The following CHODL variants were observed in gnomAD, a reference collection of about 807,000 sequenced individuals.
CHODL encodes the protein transmembrane protein MT75.
In CHODL, 29 loss-of-function variants were observed where a neutral mutation model predicts 34.5. The ratio of observed to expected loss-of-function variants is 0.84; its 90% CI spans 0.63 to 1.15. The LOEUF (loss-of-function observed/expected upper bound fraction) is 1.15. Ranked by LOEUF, CHODL falls within the 50% of genes most tolerant of loss-of-function variation. The pLI, the probability that CHODL is intolerant of heterozygous loss-of-function variation, is 0.00. For missense variants in CHODL, 332 were observed against 332.5 expected (o/e 1.00, Z 0.01); for synonymous variants, 125 against 116.1 (o/e 1.08, Z -0.49).
chr21:18,242,786 T>C (rs74427213), upstream of CHODL, among the ~76,000 whole-genome samples: 10 of 152,300 alleles, frequency 6.6e-5, no homozygotes, highest in East Asian at 1.9e-3. Flanking sequence ...TGCAAACATA[T>C]TGAGGATACA....
chr21:18,059,666 G>T (rs1401571098), intron 2 of CHODL, among the ~76,000 whole-genome samples: 1 of 151,968 alleles, frequency 6.6e-6, no homozygotes, highest in African/African-American at 2.4e-5. Flanking sequence ...CCCCAATAGG[G>T]CCCAGTGTGA....
chr21:18,251,684 A>G (rs1459812255), intron 1 of CHODL, among the ~76,000 whole-genome samples: 18 of 136,004 alleles, frequency 1.3e-4, no homozygotes, highest in African/African-American at 4.4e-4. Flanking sequence ...TTTAATATAT[A>G]AAATAAATAT....
chr21:18,227,971 C>T (rs2073945816), intron 2 of CHODL, among the ~76,000 whole-genome samples: 1 of 152,036 alleles, frequency 6.6e-6, no homozygotes, highest in Non-Finnish European at 1.5e-5. Context: ...TGACAACTAA[C>T]AATAATAAGT....
intron 2 of CHODL, among the ~76,000 whole-genome samples, chr21:18,160,057 A>G (rs2073077804): frequency 1.3e-5 from 2 of 152,216 alleles, no homozygotes; most frequent in Admixed American, 1.3e-4. Context: ...AATTTGTGAT[A>G]ATCTGTTATA....
chr21:18,068,735 A>C (rs1285603740), intron 2 of CHODL, among the ~76,000 whole-genome samples: 4 of 150,488 alleles, frequency 2.7e-5, no homozygotes, highest in Admixed American at 6.6e-5. Flanking sequence ...GCAACATTTC[A>C]TTTTGCTTAA....
At chr21:18,197,243 G>A (rs762257938) in intron 2 of CHODL, among the ~76,000 whole-genome samples, 18 of 152,278 alleles carry the variant, frequency 1.2e-4, no homozygotes, top group Non-Finnish European at 2.5e-4. Flanking sequence ...AGAATGATGT[G>A]TTAAATAGCT....
chr21:18,235,496 T>C (rs2074020891), intron 2 of CHODL, among the ~76,000 whole-genome samples: 1 of 152,140 alleles, frequency 6.6e-6, no homozygotes, highest in South Asian at 2.1e-4. Context: ...CAGTTAACTC[T>C]TTGGATTGGC....
In CHODL at chr21:18,159,809, A is replaced by ATCTATCTGCTGCTGGTGCATCTATCTGC. The variant is rs1448862293; in HGVS notation, c.-44-96699_-44-96698insCTATCTGCTGCTGGTGCATCTATCTGCT. On this transcript the variant is annotated intron_variant, in intron 2 of 6. Transcript: ENST00000400127. Reference sequence around the variant, plus strand: ...GTCAGAGAATCAGATAGATGGCAGCATGAGAAGGATTCGACCTGCTGGTGC... The same window carrying ATCTATCTGCTGCTGGTGCATCTATCTGC: ...GTCAGAGAATCAGATAGATGGCAGCATCTATCTGCTGCTGGTGCATCTATCTGCTGAGAAGGATTCGACCTGCTGGTGC... 7.8e-4 allele frequency among the ~76,000 whole-genome samples: 119 copies of ATCTATCTGCTGCTGGTGCATCTATCTGC among 152,344 alleles called. 1 individual carries two copies. The highest frequency in any genetic ancestry group is 2.7e-3 in the African/African-American group (112 of 41,588).
chr21:18,170,208 T>C (rs1194456790), intron 2 of CHODL, among the ~76,000 whole-genome samples: 1 of 152,064 alleles, frequency 6.6e-6, no homozygotes, highest in Non-Finnish European at 1.5e-5. Flanking sequence ...GTTTTTGTTT[T>C]AAAGCCTATT....
intron 2 of CHODL, among the ~76,000 whole-genome samples, chr21:18,045,591 G>A (rs1008088125): frequency 5.3e-5 from 8 of 151,882 alleles, no homozygotes; most frequent in Non-Finnish European, 1.0e-4. Flanking sequence ...TCAAGTTTAT[G>A]TCCTCTAAAA....
At chr21:18,135,746 T>C (rs1289572217) in intron 2 of CHODL, among the ~76,000 whole-genome samples, 2 of 152,196 alleles carry the variant, frequency 1.3e-5, no homozygotes, top group African/African-American at 4.8e-5. Context: ...GTGTTCCTAA[T>C]GCCAATAATA....
At chr21:17,997,689 A>G (rs1299057846) in intron 1 of CHODL, among the ~76,000 whole-genome samples, 1 of 152,174 alleles carries the variant, frequency 6.6e-6, no homozygotes, top group African/African-American at 2.4e-5. Flanking sequence ...AAAAATGAGG[A>G]AAAAGTGAAA....
intron 2 of CHODL, among the ~76,000 whole-genome samples, chr21:18,172,137 A>G (rs891310117): frequency 6.6e-6 from 1 of 152,108 alleles, no homozygotes; most frequent in Admixed American, 6.5e-5. Context: ...TGAGCATCTC[A>G]TCCCACAGCT....
intron 2 of CHODL, among the ~76,000 whole-genome samples, chr21:18,079,652 C>G (rs1264632414): frequency 6.6e-6 from 1 of 151,324 alleles, no homozygotes; most frequent in African/African-American, 2.4e-5. Context: ...ATACAATCAT[C>G]TGTTAATGGA....
At chr21:18,144,582 A>G (rs1006810914) in intron 2 of CHODL, among the ~76,000 whole-genome samples, 3 of 152,202 alleles carry the variant, frequency 2.0e-5, no homozygotes, top group African/African-American at 7.2e-5. Flanking sequence ...CGGGGATCCC[A>G]CTTACTGATT....
chr21:17,968,758 G>A (rs1363356142), intron 1 of CHODL, among the ~76,000 whole-genome samples: 12 of 152,134 alleles, frequency 7.9e-5, no homozygotes, highest in Non-Finnish European at 1.5e-5. Flanking sequence ...TTCTCACCAT[G>A]CAGGGTATTT....
At chr21:18,197,506 A>T (rs889449858) in intron 2 of CHODL, among the ~76,000 whole-genome samples, 2 of 152,060 alleles carry the variant, frequency 1.3e-5, no homozygotes, top group African/African-American at 4.8e-5. Context: ...ATCCCAACTA[A>T]TCTGGAGGCT....
At chr21:18,199,123 GATTT>G (rs2073623349) in intron 2 of CHODL, among the ~76,000 whole-genome samples, 1 of 151,986 alleles carries the variant, frequency 6.6e-6, no homozygotes, top group African/African-American at 2.4e-5. Context: ...TAACAGATTT[GATTT>G]ATTTGTCAGC....
chr21:18,058,486 G>A (rs1312558963), intron 2 of CHODL, among the ~76,000 whole-genome samples: 1 of 101,864 alleles, frequency 9.8e-6, no homozygotes, highest in Non-Finnish European at 2.6e-5. Flanking sequence ...AGAAAATGTG[G>A]CATATATACA....
Sources: gnomAD v4.1 joint callset for allele counts (sites outside exome capture counted in the v4.1 genomes callset) on GRCh38, gnomAD v4.1.1 for gene constraint, MANE v1.5 for transcripts, NCBI Gene and HGNC (gene_info 2026-07-23, HGNC 2026-07-21) for gene names.